Variants in CCSER1 observed in about 807,000 individuals in gnomAD.
The protein encoded by CCSER1 is coiled-coil serine rich protein 1.
Under a neutral mutation model 82.0 loss-of-function variants are expected in CCSER1, and 41 were observed. That is an observed-to-expected ratio of 0.50 (90% confidence interval 0.39 to 0.65). The LOEUF (loss-of-function observed/expected upper bound fraction) is 0.65, where lower values mean the gene tolerates loss of function less well. Ranked by LOEUF, CCSER1 falls within the 30% of genes least tolerant of loss-of-function variation. CCSER1 has a pLI of 0.00. For missense variants in CCSER1, 1,119 were observed against 1,064.2 expected, an observed-to-expected ratio of 1.05 and a Z score of -0.72; for synonymous variants, 414 against 383.9, an observed-to-expected ratio of 1.08 and a Z score of -0.92.
At chr4:91,500,183 G>C (rs1759134118) in intron 10 of CCSER1, among the ~76,000 whole-genome samples, 1 of 151,944 alleles carries the variant, frequency 6.6e-6, no homozygotes, top group Admixed American at 6.6e-5. Context: ...GTGTGTAGTA[G>C]TATCTCATTG....
At chr4:90,349,562 A>G (rs1258523399) in intron 3 of CCSER1, among the ~76,000 whole-genome samples, 1 of 151,990 alleles carries the variant, frequency 6.6e-6, no homozygotes, top group Admixed American at 6.6e-5. Flanking sequence ...CACCTTGTAT[A>G]TACTGTTTCT....
At chr4:90,933,374 A>G (rs1730501964) in intron 9 of CCSER1, among the ~76,000 whole-genome samples, 1 of 151,644 alleles carries the variant, frequency 6.6e-6, no homozygotes, top group African/African-American at 2.4e-5. Context: ...TTTTTAGTAG[A>G]GACGGGGTTT....
chr4:91,483,096 TAAAAA>T (rs199615741), intron 10 of CCSER1, among the ~76,000 whole-genome samples: 1 of 136,806 alleles, frequency 7.3e-6, no homozygotes, highest in Non-Finnish European at 1.6e-5. Flanking sequence ...AGTATAATAA[TAAAAA>T]AAAGGAAAGA....
intron 10 of CCSER1, among the ~76,000 whole-genome samples, chr4:91,498,096 A>G (rs540261479): frequency 4.6e-5 from 7 of 152,042 alleles, no homozygotes; most frequent in Non-Finnish European, 1.0e-4. Flanking sequence ...ACAGCGGTTC[A>G]GATGGAATAT....
intron 7 of CCSER1, among the ~76,000 whole-genome samples, chr4:90,746,609 T>C (rs1331592007): frequency 6.6e-6 from 1 of 152,152 alleles, no homozygotes; most frequent in Admixed American, 6.5e-5. Flanking sequence ...TTTGTCAGGA[T>C]CTTGTCCTCC....
At chr4:91,419,861 A>C (rs1753592941) in intron 10 of CCSER1, among the ~76,000 whole-genome samples, 1 of 152,046 alleles carries the variant, frequency 6.6e-6, no homozygotes, top group South Asian at 2.1e-4. Context: ...ACTCATGGAC[A>C]GATGGTATAG....
At chr4:91,519,459 CA>C (rs1183095552) in intron 10 of CCSER1, among the ~76,000 whole-genome samples, 1 of 152,220 alleles carries the variant, frequency 6.6e-6, no homozygotes, top group Non-Finnish European at 1.5e-5. Flanking sequence ...GTCATGCAGA[CA>C]ATCACTGCTC....
intron 8 of CCSER1, among the ~76,000 whole-genome samples, chr4:90,907,433 T>A (rs1348163949): frequency 6.6e-6 from 1 of 152,092 alleles, no homozygotes; most frequent in Non-Finnish European, 1.5e-5. Context: ...AGAAGATATG[T>A]CTGTATTCAT....
At chr4:90,798,494 C>G (rs561546102) in intron 7 of CCSER1, among the ~76,000 whole-genome samples, 1 of 151,294 alleles carries the variant, frequency 6.6e-6, no homozygotes, top group African/African-American at 2.5e-5. Flanking sequence ...CCATCTCACC[C>G]TGGTTTAGAA....
intron 4 of CCSER1, among the ~76,000 whole-genome samples, chr4:90,438,531 A>G (rs933417097): frequency 6.6e-6 from 1 of 152,200 alleles, no homozygotes; most frequent in Non-Finnish European, 1.5e-5. Flanking sequence ...GTACTATAGT[A>G]GGGCAATAAT....
intron 1 of CCSER1, among the ~76,000 whole-genome samples, chr4:90,282,759 A>C (rs536199143): frequency 1.3e-5 from 2 of 152,026 alleles, no homozygotes; most frequent in African/African-American, 4.8e-5. Context: ...TGCAATCCTT[A>C]TGAGCTTTTT....
chr4:91,453,589 A>G (rs1755981532), intron 10 of CCSER1, among the ~76,000 whole-genome samples: 1 of 152,150 alleles, frequency 6.6e-6, no homozygotes, highest in Non-Finnish European at 1.5e-5. Context: ...ATGTAAAATC[A>G]ATGATGTGTA....
Position 90,812,948 on chromosome 4 carries a change from T to A in CCSER1, c.2011-2814T>A, listed in dbSNP as rs148763915. ...TGGGAATTACAATTTAAGATGAGAT[T>A]TGGGTGGGATCACAGAGACAAACCA... On this transcript the variant is annotated intron_variant, in intron 7 of 10. Coordinates refer to ENST00000509176, the MANE Select transcript of CCSER1 (RefSeq NM_001145065.2). Among the ~76,000 whole-genome samples the A allele has an allele frequency of 1.9e-3, 296 of 152,272 alleles. 3 individuals carry two copies. The highest frequency in any genetic ancestry group is 6.8e-3 in the African/African-American group (284 of 41,554).
At chr4:90,136,054 T>C (rs1176099615) in intron 1 of CCSER1, among the ~76,000 whole-genome samples, 1 of 152,244 alleles carries the variant, frequency 6.6e-6, no homozygotes, top group Non-Finnish European at 1.5e-5. Flanking sequence ...ATGACTCTTC[T>C]GCAGTCTCCT....
intron 6 of CCSER1, among the ~76,000 whole-genome samples, chr4:90,653,747 G>A (rs2149058539): frequency 6.6e-6 from 1 of 152,090 alleles, no homozygotes; most frequent in East Asian, 1.9e-4. Flanking sequence ...TTAAAACTAT[G>A]CACGTCTACA....
In CCSER1 at chr4:90,620,326, TCA is replaced by T. The variant is rs369164292; in HGVS notation, c.1725-7696_1725-7695del. On this transcript the variant is annotated intron_variant, in intron 5 of 10. Transcript: ENST00000509176. ...GACTAGAAGTCAGGAAACCAGAATTTCACAGTCTCTGTGTGACAGTTAGAAAA... is the reference window on the plus strand; with the variant it reads ...GACTAGAAGTCAGGAAACCAGAATTTCAGTCTCTGTGTGACAGTTAGAAAA... 8.0e-4 allele frequency among the ~76,000 whole-genome samples: 122 copies of T among 152,292 alleles called. 1 individual carries two copies. In the East Asian group the frequency reaches 0.017, roughly 21 times the overall value.
At chr4:90,324,946 G>T (rs886134860) in intron 3 of CCSER1, among the ~76,000 whole-genome samples, 1 of 152,126 alleles carries the variant, frequency 6.6e-6, no homozygotes, top group Non-Finnish European at 1.5e-5. Flanking sequence ...CCCATTGCTT[G>T]TTTTTCTCAG....
intron 1 of CCSER1, among the ~76,000 whole-genome samples, chr4:90,223,421 A>G (rs1742542054): frequency 6.6e-6 from 1 of 152,176 alleles, no homozygotes; most frequent in African/African-American, 2.4e-5. Flanking sequence ...GGGACCAGAG[A>G]CCCAATTGCA....
intron 9 of CCSER1, among the ~76,000 whole-genome samples, chr4:90,962,348 T>C (rs1734126740): frequency 6.6e-6 from 1 of 152,144 alleles, no homozygotes; most frequent in East Asian, 1.9e-4. Context: ...CTTTTTGCAA[T>C]ATCACAGTCA....
Sources: allele counts gnomAD v4.1 joint callset (sites outside exome capture counted in the v4.1 genomes callset), GRCh38; gene constraint gnomAD v4.1.1; transcripts MANE v1.5; gene names NCBI Gene and HGNC (gene_info 2026-07-23, HGNC 2026-07-21).